The following PBRM1 variants were observed in gnomAD, a reference collection of about 807,000 sequenced individuals.
PBRM1 encodes the protein polybromo 1.
In PBRM1, 27 loss-of-function variants were observed where a neutral mutation model predicts 194.5. The ratio of observed to expected loss-of-function variants is 0.14; its 90% CI spans 0.10 to 0.19. The LOEUF (loss-of-function observed/expected upper bound fraction) is 0.19. Ranked by LOEUF, PBRM1 falls within the 10% of genes least tolerant of loss-of-function variation. The pLI is 1.00. For synonymous variants in PBRM1, 655 were observed against 693.2 expected (o/e 0.94, Z 0.87); for missense variants, 1,466 against 2,077.2 (o/e 0.71, Z 5.72).
intron 29 of PBRM1, among the ~76,000 whole-genome samples, chr3:52,549,606 C>A (rs934178806): frequency 9.9e-5 from 15 of 151,994 alleles, no homozygotes; most frequent in African/African-American, 2.2e-4. Flanking sequence ...GCAAAAAAAA[C>A]CACAACAACA....
In PBRM1 at chr3:52,579,209, A is replaced by G; in HGVS notation, c.3388-10T>C. On this transcript the variant is annotated splice_polypyrimidine_tract_variant and intron_variant, in intron 20 of 29. Coordinates refer to ENST00000296302, the Ensembl canonical transcript of PBRM1. Reference sequence around the variant, plus strand: ...GGACATCTTCTTTTTCCTGTTGTAAAGAAAACTGGCTGAAGAAAGGTAGTT... The same window carrying G: ...GGACATCTTCTTTTTCCTGTTGTAAGGAAAACTGGCTGAAGAAAGGTAGTT... 6.2e-7 allele frequency: 1 copy of G among 1,613,096 alleles called. No individual in the cohort carries two copies. The highest frequency in any genetic ancestry group is 8.5e-7 in the Non-Finnish European group (1 of 1,179,024).
At chr3:52,658,164 A>G in intron 5 of PBRM1, 35 bp downstream of exon 6, 1 of 946,548 alleles carries the variant, frequency 1.1e-6, no homozygotes, top group Non-Finnish European at 1.7e-6. Context: ...AAAACAAAAC[A>G]CTGACATGTA....
chr3:52,601,471 T>A (rs189732520), intron 17 of PBRM1, among the ~76,000 whole-genome samples: 16 of 152,214 alleles, frequency 1.1e-4, no homozygotes, highest in Admixed American at 1.0e-3. Context: ...ATAGGGTTCA[T>A]GCTCCTATGA....
At chr3:52,652,878 A>C (rs548800929) in intron 5 of PBRM1, among the ~76,000 whole-genome samples, 2 of 150,844 alleles carry the variant, frequency 1.3e-5, no homozygotes, top group African/African-American at 4.9e-5. Context: ...TGCGCCTGTA[A>C]TCCCAGCTAC....
At chr3:52,679,548 G>C (rs374082303) in intron 1 of PBRM1, 26 bp downstream of exon 2, 1 of 1,605,416 alleles carries the variant, frequency 6.2e-7, no homozygotes, top group South Asian at 1.1e-5. Context: ...AGAGCAGGCA[G>C]AAACCATGTA....
rs147555531 is a variant in PBRM1, at chr3:52,642,246, G to C, written c.996-201C>G. On this transcript the variant is annotated intron_variant, in intron 9 of 29. Coordinates refer to ENST00000296302, the Ensembl canonical transcript of PBRM1. ...AAACTATTTTTTTCCTCTTAGAAAAGAGGGAGTGGAAAATAAGGACTCAGT... is the reference window on the plus strand; with the variant it reads ...AAACTATTTTTTTCCTCTTAGAAAACAGGGAGTGGAAAATAAGGACTCAGT... 1.6e-3 allele frequency among the ~76,000 whole-genome samples: 249 copies of C among 152,242 alleles called. 1 individual carries two copies. The highest frequency in any genetic ancestry group is 5.6e-3 in the African/African-American group (232 of 41,542).
At position 52,641,292 on chromosome 3, in the gene PBRM1, C is replaced by T. The variant is rs539615272; in HGVS notation, c.1087+662G>A. On this transcript the variant is annotated intron_variant, in intron 10 of 29. Coordinates refer to ENST00000296302, the Ensembl canonical transcript of PBRM1. ...TAAAACCCCGTCTCTAGTAAAAACA[C>T]AAAAATTAGCCAGGTGTGGTGGCGC... Among the ~76,000 whole-genome samples the T allele has an allele frequency of 6.9e-4, 105 of 151,388 alleles. 1 individual carries two copies. The highest frequency in any genetic ancestry group is 3.4e-3 in the Middle Eastern group (1 of 294).
At chr3:52,549,462 A>T (rs2080327871) in intron 29 of PBRM1, among the ~76,000 whole-genome samples, 1 of 152,278 alleles carries the variant, frequency 6.6e-6, no homozygotes, top group Non-Finnish European at 1.5e-5. Flanking sequence ...ATAATTTTTA[A>T]TTTACCCAAT....
chr3:52,652,891 A>G (rs905141433), intron 5 of PBRM1, among the ~76,000 whole-genome samples: 3 of 150,904 alleles, frequency 2.0e-5, no homozygotes, highest in African/African-American at 7.3e-5. Context: ...CCAGCTACTC[A>G]GGAGGCTAAG....
intron 1 of PBRM1, 29 bp downstream of exon 2, chr3:52,679,545 G>A (rs1438609209): frequency 1.2e-6 from 2 of 1,600,992 alleles, no homozygotes; most frequent in Admixed American, 3.4e-5. Flanking sequence ...GGAAGAGCAG[G>A]CAGAAACCAT....
At chr3:52,568,674 T>A (rs571740043) in intron 22 of PBRM1, among the ~76,000 whole-genome samples, 64 of 152,332 alleles carry the variant, frequency 4.2e-4, no homozygotes, top group South Asian at 2.1e-3. Context: ...TCCAAATGGT[T>A]ATTGAATTTC....
At chr3:52,618,591 GTTTTTTTTTTT>G (rs67103558) in intron 13 of PBRM1, among the ~76,000 whole-genome samples, 1 of 123,510 alleles carries the variant, frequency 8.1e-6, no homozygotes, top group African/African-American at 2.9e-5. Flanking sequence ...TTATGACTTA[GTTTTTTTTTTT>G]TTTTTTTTTG....
At chr3:52,604,832 T>C (rs1177272506) in intron 16 of PBRM1, among the ~76,000 whole-genome samples, 1 of 152,074 alleles carries the variant, frequency 6.6e-6, no homozygotes, top group African/African-American at 2.4e-5. Flanking sequence ...TGCACACATG[T>C]AATCTCAGCT....
chr3:52,644,553 T>G (rs1376652138), intron 8 of PBRM1, 151 bp downstream of exon 9: 1 of 363,490 alleles, frequency 2.8e-6, no homozygotes, highest in Non-Finnish European at 5.1e-6. Context: ...CCCGGCTAAT[T>G]TTTGTATTTT....
At chr3:52,633,254 C>G (rs757447809) in intron 11 of PBRM1, among the ~76,000 whole-genome samples, 17 of 152,048 alleles carry the variant, frequency 1.1e-4, no homozygotes, top group Non-Finnish European at 1.8e-4. Flanking sequence ...CACAAATACT[C>G]ATATCAATAG....
At chr3:52,663,871 A>G (rs1290978817) in intron 3 of PBRM1, among the ~76,000 whole-genome samples, 4 of 152,020 alleles carry the variant, frequency 2.6e-5, no homozygotes, top group African/African-American at 9.7e-5. Context: ...CATCCTGGCT[A>G]ACACAGTGAA....
At chr3:52,594,147 G>A (rs1302097617) in intron 17 of PBRM1, among the ~76,000 whole-genome samples, 4 of 152,148 alleles carry the variant, frequency 2.6e-5, no homozygotes, top group Admixed American at 6.5e-5. Context: ...CTCCCACAGT[G>A]TTGGGATTAC....
chr3:52,614,021 A>T (rs1351863803), intron 15 of PBRM1, among the ~76,000 whole-genome samples: 1 of 152,220 alleles, frequency 6.6e-6, no homozygotes, highest in Admixed American at 6.5e-5. Flanking sequence ...TTCATCGCTT[A>T]GCAGTAAATC....
rs148498585 is a variant in PBRM1 at position 52,594,333 on chromosome 3, T to C, written c.2780-5078A>G. 2.0e-3 allele frequency among the ~76,000 whole-genome samples: 301 copies of C among 152,356 alleles called. 1 individual carries two copies. Among genetic ancestry groups the C allele is most frequent in the South Asian group, 5.6e-3 (27 of 4,828 alleles). ...AACCCTTTACCATTATGTAGTGCCCTTCTTTGTCTTTTTTGGTCTTTGTTG... is the reference window on the plus strand; with the variant it reads ...AACCCTTTACCATTATGTAGTGCCCCTCTTTGTCTTTTTTGGTCTTTGTTG... On this transcript the variant is annotated intron_variant, in intron 17 of 29. Coordinates refer to ENST00000296302, the Ensembl canonical transcript of PBRM1.
Sources: gnomAD v4.1 joint callset for allele counts (sites outside exome capture counted in the v4.1 genomes callset) on GRCh38, gnomAD v4.1.1 for gene constraint, MANE v1.5 for transcripts, NCBI Gene and HGNC (gene_info 2026-07-23, HGNC 2026-07-21) for gene names.